The following EGF variants were observed in gnomAD, a reference collection of about 807,000 sequenced individuals.
EGF encodes the protein pro-epidermal growth factor.
EGF carries 95 observed loss-of-function variants against 143.8 expected under a neutral mutation model. The ratio of observed to expected loss-of-function variants is 0.66; its 90% CI spans 0.56 to 0.78. The LOEUF (loss-of-function observed/expected upper bound fraction) is 0.78, where lower values mean the gene tolerates loss of function less well. Ranked by LOEUF, EGF falls within the 30% of genes least tolerant of loss-of-function variation. EGF has a pLI of 0.00. For missense variants in EGF, 1,320 were observed against 1,470.9 expected (o/e 0.90, Z 1.68); for synonymous variants, 510 against 510.5 (o/e 1.00, Z 0.01).
chr4:109,955,364 G>A (rs1021545869), intron 5 of EGF, among the ~76,000 whole-genome samples: 3 of 152,186 alleles, frequency 2.0e-5, no homozygotes, highest in African/African-American at 7.2e-5. Context: ...AGCATTCTCA[G>A]TGCTGGCTTT....
chr4:109,915,345 T>C (rs926669116), intron 1 of EGF, among the ~76,000 whole-genome samples: 11 of 152,356 alleles, frequency 7.2e-5, no homozygotes, highest in Non-Finnish European at 1.5e-4. Context: ...TGAGATAACC[T>C]AGCATGTACC....
intron 22 of EGF, 36 bp downstream of exon 22, chr4:110,004,658 C>A: frequency 6.4e-7 from 1 of 1,570,464 alleles, no homozygotes; most frequent in Non-Finnish European, 8.8e-7. Flanking sequence ...AAGGAATTGG[C>A]TTGATATTAA....
chr4:109,987,787 G>T lies in EGF; in HGVS notation c.2535G>T (p.Arg845=). The T allele has an allele frequency of 6.2e-7, 1 of 1,613,964 alleles. No individual in the cohort carries two copies. The highest frequency in any genetic ancestry group is 1.3e-5 in the African/African-American group (1 of 75,018). ...CAPVGCSMYA[R]CISEGEDATC... is the part of the protein sequence containing the mutation. ...CTGTGGGATGCAGCATGTATGCTCGGTGTATTTCAGAGGGAGAGGATGCCA... is the reference window on the plus strand; with the variant it reads ...CTGTGGGATGCAGCATGTATGCTCGTTGTATTTCAGAGGGAGAGGATGCCA... Residue 845 remains arginine, a synonymous_variant, in exon 17 of 24, where the codon CGG becomes CGT. Transcript: ENST00000265171.
intron 9 of EGF, 48 bp downstream of exon 9, chr4:109,963,346 G>T (rs370511854): frequency 1.2e-6 from 2 of 1,612,786 alleles, no homozygotes; most frequent in Non-Finnish European, 1.7e-6. Context: ...AAAAATTCAT[G>T]AAAATCTTTT....
intron 11 of EGF, among the ~76,000 whole-genome samples, chr4:109,970,929 TTTCA>T (rs917418199): frequency 4.6e-5 from 7 of 152,158 alleles, no homozygotes; most frequent in Non-Finnish European, 5.9e-5. Context: ...GCATATTTTC[TTTCA>T]TTCATTCATT....
intron 5 of EGF, among the ~76,000 whole-genome samples, chr4:109,958,357 T>C (rs1745131244): frequency 1.3e-5 from 2 of 152,236 alleles, no homozygotes; most frequent in African/African-American, 4.8e-5. Context: ...GTTACTAGTT[T>C]AGCCCTTGAT....
chr4:110,008,720 C>T (rs375486836), intron 23 of EGF, among the ~76,000 whole-genome samples: 3 of 152,278 alleles, frequency 2.0e-5, no homozygotes, highest in South Asian at 2.1e-4. Flanking sequence ...CTTAGCCAGA[C>T]GCCTGGCTGT....
chr4:109,983,766 G>C (rs539752493), intron 16 of EGF, among the ~76,000 whole-genome samples: 45 of 152,330 alleles, frequency 3.0e-4, no homozygotes, highest in Admixed American at 5.9e-4. Context: ...CTTTGGGTGT[G>C]AGTCTTTGTT....
chr4:109,917,821 T>C (rs1351947107), intron 1 of EGF, among the ~76,000 whole-genome samples: 1 of 152,060 alleles, frequency 6.6e-6, no homozygotes, highest in African/African-American at 2.4e-5. Context: ...GGTTTCATCA[T>C]GTTGGCCAGG....
At chr4:109,920,988 A>G (rs1303562713) in intron 1 of EGF, among the ~76,000 whole-genome samples, 1 of 151,640 alleles carries the variant, frequency 6.6e-6, no homozygotes, top group East Asian at 1.9e-4. Context: ...GATGACTGAG[A>G]GTCAGGTCTG....
intron 1 of EGF, among the ~76,000 whole-genome samples, chr4:109,938,246 G>T (rs1374351824): frequency 6.6e-6 from 1 of 152,016 alleles, no homozygotes; most frequent in Admixed American, 6.6e-5. Flanking sequence ...TTGTCTTCTT[G>T]CTTTATTTCA....
At chr4:109,951,182 A>AAAATG (rs1743851131) in intron 5 of EGF, among the ~76,000 whole-genome samples, 1 of 150,854 alleles carries the variant, frequency 6.6e-6, no homozygotes, top group South Asian at 2.1e-4. Context: ...AAAATAAAAT[A>AAAATG]AAATAAAATA....
intron 1 of EGF, among the ~76,000 whole-genome samples, chr4:109,933,305 G>A (rs578093302): frequency 2.6e-5 from 4 of 152,270 alleles, no homozygotes; most frequent in African/African-American, 9.6e-5. Flanking sequence ...GGCTTGTATT[G>A]TAGCAAAGAT....
chr4:109,963,141 G>C (rs767773811), intron 8 of EGF, 32 bp from the exon 9 acceptor site: 2 of 1,611,228 alleles, frequency 1.2e-6, no homozygotes, highest in Non-Finnish European at 1.7e-6. Flanking sequence ...TTTGGATGAC[G>C]TAGCATCATT....
chr4:109,931,539 A>T (rs764750514), intron 1 of EGF, among the ~76,000 whole-genome samples: 3 of 152,246 alleles, frequency 2.0e-5, no homozygotes, highest in Non-Finnish European at 2.9e-5. Context: ...TCTAATTCCA[A>T]GTCTACCACC....
At chr4:109,922,258 C>T (rs1737932310) in intron 1 of EGF, among the ~76,000 whole-genome samples, 1 of 151,624 alleles carries the variant, frequency 6.6e-6, no homozygotes, top group African/African-American at 2.4e-5. Flanking sequence ...GAACTTTTAT[C>T]TCTCCTGGTT....
At position 110,008,229 on chromosome 4, in the gene EGF, T is replaced by C; in HGVS notation, c.3369T>C (p.Asp1123=). 1 of 1,613,994 alleles carries C rather than the reference T, an allele frequency of 6.2e-7. No homozygotes were observed. The highest frequency in any genetic ancestry group is 8.5e-7 in the Non-Finnish European group (1 of 1,179,946). The change falls in exon 23 of 24, where the codon GAT becomes GAC. Residue 1123 remains aspartate (D), a splice_region_variant and synonymous_variant. Transcript: ENST00000265171. The stretch of plus-strand genomic sequence containing the variant: ...CTGGTGAGGATGGCCAGGCAGCAGA[T>C]GGTCAGTTTTTATCCCTGGCTCCTG... ...PVAGEDGQAA[D]GSMQPTSWRQ...
Position 110,013,510 on chromosome 4 carries a change from T to C in EGF, c.*2055T>C, listed in dbSNP as rs1412146965. 6.6e-6 allele frequency among the ~76,000 whole-genome samples: 1 copy of C among 152,184 alleles called. No individual in the cohort carries two copies. Among genetic ancestry groups the C allele is most frequent in the Non-Finnish European group, 1.5e-5 (1 of 68,032 alleles). ...TAATCACCAAGGCACCCTGCAGAGA[T>C]ATCTTCTTCTTGCAACTTCACATCT... On this transcript the variant is annotated 3_prime_UTR_variant, in exon 24 of 24. Coordinates refer to ENST00000265171, the MANE Select transcript of EGF (RefSeq NM_001963.6).
chr4:109,931,747 A>G (rs1475914575), intron 1 of EGF, among the ~76,000 whole-genome samples: 2 of 152,234 alleles, frequency 1.3e-5, no homozygotes, highest in Non-Finnish European at 2.9e-5. Flanking sequence ...AAAAAATAGG[A>G]ACATTCACTC....
Sources: allele counts gnomAD v4.1 joint callset (sites outside exome capture counted in the v4.1 genomes callset), GRCh38; gene constraint gnomAD v4.1.1; transcripts MANE v1.5; gene names NCBI Gene and HGNC (gene_info 2026-07-23, HGNC 2026-07-21).